AFG1L: variants seen among roughly 807,000 people sequenced by gnomAD.
AFG1L encodes the protein AFG1 like ATPase, also known as AFG1-like ATPase.
In AFG1L, 53 loss-of-function variants were observed where a neutral mutation model predicts 62.2. That is an observed-to-expected ratio of 0.85 (90% confidence interval 0.68 to 1.07). The LOEUF is 1.07. Among genes scored for constraint, AFG1L ranks in the 50% least tolerant of loss-of-function variants. AFG1L has a pLI of 0.00. For synonymous variants in AFG1L, 228 were observed against 210.3 expected, an observed-to-expected ratio of 1.08 and a Z score of -0.73; for missense variants, 555 against 590.5, an observed-to-expected ratio of 0.94 and a Z score of 0.62.
At chr6:108,505,085 T>TTTTTTTTC (rs1774346113) in intron 10 of AFG1L, among the ~76,000 whole-genome samples, 2 of 150,974 alleles carry the variant, frequency 1.3e-5, no homozygotes, top group Admixed American at 1.3e-4. Context: ...TTGGATTTTT[T>TTTTTTTTC]TTTTTTCTTT....
rs145587277 is a variant in AFG1L at position 108,331,649 on chromosome 6, G to A, written c.363+7601G>A. On this transcript the variant is annotated intron_variant, in intron 2 of 12. Transcript: ENST00000368977. ...ACCAGGTTAATCTGACACTTTTAAT[G>A]TATGCATAATTGTTATTGTGCTGTG... is the stretch of plus-strand genomic sequence containing the variant. Among the ~76,000 whole-genome samples the A allele has an allele frequency of 5.9e-5, 9 of 152,274 alleles. No individual in the cohort carries two copies. In the East Asian group the frequency reaches 9.6e-4, roughly 16 times the overall value.
intron 7 of AFG1L, among the ~76,000 whole-genome samples, chr6:108,441,037 T>A (rs1041206556): frequency 1.3e-5 from 2 of 152,226 alleles, no homozygotes; most frequent in Non-Finnish European, 2.9e-5. Context: ...ATTTCTATGA[T>A]AAGTGAAATT....
Position 108,522,628 on chromosome 6 carries a change from G to A in AFG1L, c.*203G>A. On this transcript the variant is annotated 3_prime_UTR_variant, in exon 13 of 13. Transcript: ENST00000368977. ...TTTTTAGGTCTGCTTTTTCTTATTT[G>A]GCCTTATTTCTGCACCATGAAATTA... 7.2e-6 allele frequency: 3 copies of A among 417,632 alleles called. No individual in the cohort carries two copies. The South Asian group carries it at 1.3e-4, about 18-fold the overall frequency. The allele number at this position is 417,632 out of a possible 1,614,324, so 25.9% of individuals were successfully genotyped here.
At chr6:108,406,826 T>A (rs191234030) in intron 7 of AFG1L, among the ~76,000 whole-genome samples, 296 of 152,336 alleles carry the variant, frequency 1.9e-3, no homozygotes, top group African/African-American at 6.8e-3. Flanking sequence ...ATTTGAACTT[T>A]CTGTTTTAGT....
chr6:108,311,243 C>T (rs868062108), intron 1 of AFG1L, among the ~76,000 whole-genome samples: 26 of 152,202 alleles, frequency 1.7e-4, no homozygotes, highest in Admixed American at 1.7e-3. Context: ...TCCACACTGT[C>T]GTGTTTCTGG....
intron 7 of AFG1L, among the ~76,000 whole-genome samples, chr6:108,417,289 A>C (rs9400231): frequency 0.095 from 11,532 of 121,934 alleles, 650 homozygotes; most frequent in East Asian, 0.3. Flanking sequence ...CACACACACA[A>C]AAAAAAAACG....
chr6:108,300,675 C>CTTT (rs397965721), intron 1 of AFG1L, among the ~76,000 whole-genome samples: 2 of 141,448 alleles, frequency 1.4e-5, no homozygotes, highest in Non-Finnish European at 3.1e-5. Context: ...TTTGAACTTA[C>CTTT]TTTTTTTTTT....
chr6:108,352,710 A>G (rs1779132545), intron 3 of AFG1L, among the ~76,000 whole-genome samples: 2 of 152,008 alleles, frequency 1.3e-5, no homozygotes, highest in South Asian at 4.2e-4. Context: ...GACTACAGGC[A>G]TGCACCACAA....
At chr6:108,370,469 T>C (rs1779954394) in intron 6 of AFG1L, among the ~76,000 whole-genome samples, 1 of 151,974 alleles carries the variant, frequency 6.6e-6, no homozygotes, top group Non-Finnish European at 1.5e-5. Flanking sequence ...TTTGGTTGTC[T>C]CACCTGGTGG....
chr6:108,426,853 C>T (rs1283554), intron 7 of AFG1L, among the ~76,000 whole-genome samples: 3,390 of 152,270 alleles, frequency 0.022, 118 homozygotes, highest in African/African-American at 0.074. Flanking sequence ...TTCTACTCCA[C>T]CTCATTCCTA....
intron 7 of AFG1L, among the ~76,000 whole-genome samples, chr6:108,442,730 AG>A (rs1771603706): frequency 6.6e-6 from 1 of 151,860 alleles, no homozygotes. Flanking sequence ...GCCACAACCC[AG>A]TCTTTGGGTC....
intron 8 of AFG1L, among the ~76,000 whole-genome samples, chr6:108,474,078 A>G (rs1412398533): frequency 1.3e-5 from 2 of 151,838 alleles, no homozygotes; most frequent in African/African-American, 4.8e-5. Flanking sequence ...GTTCCCCTCC[A>G]TGTGTCCATG....
At chr6:108,394,209 G>A (rs572533281) in intron 6 of AFG1L, among the ~76,000 whole-genome samples, 97 of 145,462 alleles carry the variant, frequency 6.7e-4, no homozygotes, top group African/African-American at 2.3e-3. Flanking sequence ...GGGCAATGGC[G>A]CAGTCTTGGC....
In AFG1L at chr6:108,402,051, GA is replaced by G; in HGVS notation, c.806del (p.Lys269ArgfsTer9). 6.7e-7 allele frequency: 1 copy of G among 1,483,142 alleles called. No individual in the cohort carries two copies. The highest frequency in any genetic ancestry group is 9.1e-7 in the Non-Finnish European group (1 of 1,101,432). The allele number at this position is 1,483,142 out of a possible 1,614,324, so 91.9% of individuals were successfully genotyped here. On this transcript the variant is annotated frameshift_variant and splice_region_variant, in exon 7 of 13. Coordinates refer to ENST00000368977, the MANE Select transcript of AFG1L (RefSeq NM_145315.5). LOFTEE classifies it high-confidence loss of function. ...ANFVPFIAVL[K>X]EYCNTVQLDS... ...ACTTTGTACCATTCATAGCAGTCTT[GA>G]AGGTAAAAACAAATCATTTATTTGT...
intron 7 of AFG1L, among the ~76,000 whole-genome samples, chr6:108,422,477 CA>C (rs539232525): frequency 1.7e-3 from 77 of 45,808 alleles, no homozygotes; most frequent in Middle Eastern, 0.024. Flanking sequence ...TAGTCCTCAG[CA>C]AAAAAAAAAA....
At chr6:108,420,385 TTAAA>T (rs1487858859) in intron 7 of AFG1L, among the ~76,000 whole-genome samples, 2 of 148,360 alleles carry the variant, frequency 1.3e-5, no homozygotes, top group Non-Finnish European at 3.0e-5. Flanking sequence ...ATTTATTAAA[TTAAA>T]TAAAAATATA....
Position 108,323,820 on chromosome 6 carries a change from T to C in AFG1L, c.140-5T>C. On this transcript the variant is annotated splice_region_variant and splice_polypyrimidine_tract_variant and intron_variant, in intron 1 of 12. Transcript: ENST00000368977. Reference sequence around the variant, plus strand: ...AAGTCTAAAATTTTATGTTTTTGTTTATAGCCTATACGGTTCAGACATCCG... The same window carrying C: ...AAGTCTAAAATTTTATGTTTTTGTTCATAGCCTATACGGTTCAGACATCCG... The C allele has an allele frequency of 6.2e-7, 1 of 1,605,916 alleles. No homozygotes were observed. The highest frequency in any genetic ancestry group is 8.5e-7 in the Non-Finnish European group (1 of 1,173,754).
intron 3 of AFG1L, among the ~76,000 whole-genome samples, chr6:108,354,571 C>G (rs958840363): frequency 2.6e-5 from 4 of 152,060 alleles, no homozygotes; most frequent in African/African-American, 9.7e-5. Flanking sequence ...TCCCAAAGTG[C>G]TGGGATTACA....
intron 10 of AFG1L, among the ~76,000 whole-genome samples, chr6:108,509,742 C>A (rs1361573131): frequency 6.6e-6 from 1 of 151,900 alleles, no homozygotes; most frequent in Admixed American, 6.6e-5. Flanking sequence ...GAAAACACTG[C>A]CCTTGGTTTC....
Sources: allele counts gnomAD v4.1 joint callset (sites outside exome capture counted in the v4.1 genomes callset), GRCh38; gene constraint gnomAD v4.1.1; transcripts MANE v1.5; gene names NCBI Gene and HGNC (gene_info 2026-07-23, HGNC 2026-07-21).